CDH13: variants seen among roughly 807,000 people sequenced by gnomAD.
CDH13 encodes cadherin 13.
In CDH13, 24 loss-of-function variants were observed where a neutral mutation model predicts 63.8. That is an observed-to-expected ratio of 0.38 (90% confidence interval 0.27 to 0.53). CDH13 has a LOEUF of 0.53. CDH13 is among the 20% of genes least tolerant of loss of function. CDH13 has a pLI of 0.85. For synonymous variants in CDH13, 503 were observed against 355.3 expected, an observed-to-expected ratio of 1.42 and a Z score of -4.67; for missense variants, 1,049 against 903.1, an observed-to-expected ratio of 1.16 and a Z score of -2.07.
At chr16:82,919,556 C>T (rs1289144628) in intron 2 of CDH13, among the ~76,000 whole-genome samples, 1 of 152,220 alleles carries the variant, frequency 6.6e-6, no homozygotes, top group East Asian at 1.9e-4. Context: ...TTTTCTATGG[C>T]TGCATAATAC....
chr16:83,414,562 T>C (rs997756985), intron 6 of CDH13, among the ~76,000 whole-genome samples: 4 of 152,086 alleles, frequency 2.6e-5, no homozygotes, highest in Non-Finnish European at 5.9e-5. Context: ...TGTTGATTAG[T>C]ATCTCTCAAG....
intron 1 of CDH13, among the ~76,000 whole-genome samples, chr16:82,657,346 C>A (rs1050382016): frequency 2.6e-5 from 4 of 152,178 alleles, no homozygotes; most frequent in Non-Finnish European, 5.9e-5. Context: ...TCACCCTTCT[C>A]TTTTAATCTG....
intron 7 of CDH13, among the ~76,000 whole-genome samples, chr16:83,524,807 AG>A (rs1291266296): frequency 6.6e-6 from 1 of 152,104 alleles, no homozygotes; most frequent in Non-Finnish European, 1.5e-5. Context: ...GCAAACCTGT[AG>A]CACTGAGAGT....
intron 1 of CDH13, among the ~76,000 whole-genome samples, chr16:82,661,411 G>A (rs1911929884): frequency 1.3e-5 from 2 of 152,234 alleles, no homozygotes; most frequent in South Asian, 2.1e-4. Flanking sequence ...TCCTGCTTTA[G>A]TACGCACGAT....
chr16:83,033,614 G>C (rs1007674971), intron 3 of CDH13, among the ~76,000 whole-genome samples: 1 of 152,146 alleles, frequency 6.6e-6, no homozygotes, highest in African/African-American at 2.4e-5. Context: ...AGCAGTGCTT[G>C]TTCCCTTCCA....
chr16:82,928,266 ACCAGTCCTGTAATTGATGGGCAT>A (rs1207620864), intron 2 of CDH13, among the ~76,000 whole-genome samples: 2 of 151,998 alleles, frequency 1.3e-5, no homozygotes, highest in Non-Finnish European at 1.5e-5. Context: ...AATTCATTTG[ACCAGTCCTGTAATTGATGGGCAT>A]CCAGGTTGCC....
At chr16:83,316,344 A>G (rs1220663049) in intron 5 of CDH13, among the ~76,000 whole-genome samples, 1 of 152,190 alleles carries the variant, frequency 6.6e-6, no homozygotes, top group East Asian at 1.9e-4. Context: ...TAATTGATAC[A>G]CTGGCCTAGT....
At chr16:83,132,636 G>C (rs1264030965) in intron 4 of CDH13, among the ~76,000 whole-genome samples, 1 of 151,938 alleles carries the variant, frequency 6.6e-6, no homozygotes, top group African/African-American at 2.4e-5. Context: ...AGTAGAGACA[G>C]GGTTTCACCA....
chr16:82,935,738 T>C (rs747956670), intron 2 of CDH13, among the ~76,000 whole-genome samples: 7 of 152,118 alleles, frequency 4.6e-5, no homozygotes, highest in Non-Finnish European at 8.8e-5. Context: ...TAGAGTCTCA[T>C]AGAAAGTGGC....
rs142461609 is a variant in CDH13, at chr16:83,319,009, T to G, written c.637-25853T>G. Among the ~76,000 whole-genome samples the G allele has an allele frequency of 8.9e-3, 1,346 of 150,884 alleles. 20 individuals are homozygous for G. Among genetic ancestry groups the G allele is most frequent in the African/African-American group, 0.031 (1,276 of 41,258 alleles). ...ATTAAGAAATCTATGAAAATATATA[T>G]TATACAAAATATATATATAACATAT... is the stretch of plus-strand genomic sequence containing the variant. On this transcript the variant is annotated intron_variant, in intron 5 of 13. Coordinates refer to ENST00000567109, the MANE Select transcript of CDH13 (RefSeq NM_001257.5).
intron 3 of CDH13, among the ~76,000 whole-genome samples, chr16:83,094,390 G>C (rs945115009): frequency 2.0e-5 from 3 of 152,208 alleles, no homozygotes; most frequent in East Asian, 3.9e-4. Flanking sequence ...TGGATAGAGA[G>C]AGAAGTTGGG....
intron 5 of CDH13, among the ~76,000 whole-genome samples, chr16:83,332,473 A>C (rs2090500830): frequency 6.6e-6 from 1 of 152,204 alleles, no homozygotes; most frequent in Non-Finnish European, 1.5e-5. Context: ...GTAAACTTAA[A>C]AAAAAGGTAT....
Position 83,708,265 on chromosome 16 carries a change from C to T in CDH13, c.1538+29804C>T, listed in dbSNP as rs1012277536. Among the ~76,000 whole-genome samples the T allele has an allele frequency of 4.6e-5, 7 of 152,274 alleles. No individual in the cohort carries two copies. In the East Asian group the frequency reaches 5.8e-4, roughly 13 times the overall value. On this transcript the variant is annotated intron_variant, in intron 10 of 13. Coordinates refer to ENST00000567109, the MANE Select transcript of CDH13 (RefSeq NM_001257.5). ...TCTCAAATACTTCCCAGGACCTCAC[C>T]GTAAGGGACAGTCAACCAGACGTGT...
intron 5 of CDH13, among the ~76,000 whole-genome samples, chr16:83,271,687 G>A (rs1021800308): frequency 2.0e-5 from 3 of 151,896 alleles, no homozygotes; most frequent in Non-Finnish European, 4.4e-5. Context: ...TTGTGAGCCA[G>A]CATTATTTAT....
At chr16:83,203,285 A>G (rs528567059) in intron 4 of CDH13, among the ~76,000 whole-genome samples, 2 of 152,138 alleles carry the variant, frequency 1.3e-5, no homozygotes, top group Non-Finnish European at 2.9e-5. Context: ...TATGTTCACT[A>G]TCTGTGTGAT....
At chr16:83,751,798 G>A (rs1471951420) in intron 11 of CDH13, among the ~76,000 whole-genome samples, 4 of 152,230 alleles carry the variant, frequency 2.6e-5, no homozygotes, top group Non-Finnish European at 4.4e-5. Context: ...CAGGTTTCTG[G>A]TCCAGAAATC....
At chr16:83,608,385 A>G (rs1047245536) in intron 8 of CDH13, among the ~76,000 whole-genome samples, 4 of 152,208 alleles carry the variant, frequency 2.6e-5, no homozygotes, top group Non-Finnish European at 5.9e-5. Flanking sequence ...AGGTTATCAA[A>G]TGAATGCTGG....
At chr16:83,256,556 G>A (rs536341538) in intron 5 of CDH13, among the ~76,000 whole-genome samples, 1 of 151,698 alleles carries the variant, frequency 6.6e-6, no homozygotes, top group Non-Finnish European at 1.5e-5. Context: ...CAGTGGCCAG[G>A]CACGGTGGCT....
intron 3 of CDH13, among the ~76,000 whole-genome samples, chr16:83,065,737 A>G (rs1439181082): frequency 6.6e-6 from 1 of 152,020 alleles, no homozygotes; most frequent in South Asian, 2.1e-4. Flanking sequence ...AACAAAAAAA[A>G]AAAAACAAGA....
Sources: gnomAD v4.1 joint callset for allele counts (sites outside exome capture counted in the v4.1 genomes callset) on GRCh38, gnomAD v4.1.1 for gene constraint, MANE v1.5 for transcripts, NCBI Gene and HGNC (gene_info 2026-07-23, HGNC 2026-07-21) for gene names.